IL1RAPL2: variants seen among roughly 807,000 people sequenced by gnomAD.
IL1RAPL2 encodes interleukin 1 receptor accessory protein like 2.
A neutral mutation model predicts 44.1 loss-of-function variants in IL1RAPL2; 3 were observed. The observed-to-expected ratio is 0.07, with a 90% confidence interval of 0.03 to 0.18. The LOEUF (loss-of-function observed/expected upper bound fraction) is 0.18, where lower values mean the gene tolerates loss of function less well. IL1RAPL2 is among the 10% of genes least tolerant of loss of function. IL1RAPL2 has a pLI of 1.00. For missense variants in IL1RAPL2, 391 were observed against 496.4 expected, an observed-to-expected ratio of 0.79 and a Z score of 2.02; for synonymous variants, 181 against 178.8, an observed-to-expected ratio of 1.01 and a Z score of -0.10.
At chrX:104,768,001 T>A in intron 2 of IL1RAPL2, among the ~76,000 whole-genome samples, 1 of 112,257 alleles carries the variant, frequency 8.9e-6, no homozygotes. Context: ...TTAATTGACA[T>A]AAAATTGTAT....
intron 3 of IL1RAPL2, among the ~76,000 whole-genome samples, chrX:105,197,346 C>G (rs782043813): frequency 8.9e-6 from 1 of 111,736 alleles, no homozygotes; most frequent in Non-Finnish European, 1.9e-5. Context: ...AAAAACCCAC[C>G]AATCAAAATT....
intron 1 of IL1RAPL2, among the ~76,000 whole-genome samples, chrX:104,633,009 C>A (rs1466028190): frequency 9.0e-6 from 1 of 111,197 alleles, no homozygotes; most frequent in East Asian, 2.8e-4. Context: ...TTTTGAGATA[C>A]GTCCCATCAA....
chrX:105,631,443 A>G (rs905557317), intron 6 of IL1RAPL2, among the ~76,000 whole-genome samples: 3 of 112,241 alleles, frequency 2.7e-5, no homozygotes, highest in East Asian at 5.6e-4. Flanking sequence ...TAGAAAATGG[A>G]GAGAAATGGT....
chrX:104,865,256 T>C (rs1922587630), intron 2 of IL1RAPL2, among the ~76,000 whole-genome samples: 2 of 112,192 alleles, frequency 1.8e-5, no homozygotes, highest in South Asian at 7.5e-4. Context: ...CTTTATCATA[T>C]GACATAAGAT....
At position 105,723,186 on chromosome X, in the gene IL1RAPL2, C is replaced by T. The variant is rs534172499; in HGVS notation, c.902+5690C>T. Among the ~76,000 whole-genome samples the T allele has an allele frequency of 2.1e-4, 23 of 111,862 alleles. No homozygotes were observed. In the South Asian group the frequency reaches 8.6e-3, roughly 42 times the overall value. ...TTGCACCATTCACACGTTCTACCTT[C>T]CACAAAGCACTAGGACATGAAGAAA... On this transcript the variant is annotated intron_variant, in intron 7 of 10. Transcript: ENST00000372582.
At chrX:105,718,536 AC>A (rs1433277773) in intron 7 of IL1RAPL2, among the ~76,000 whole-genome samples, 1 of 111,470 alleles carries the variant, frequency 9.0e-6, no homozygotes. Flanking sequence ...AAGGTGTTTG[AC>A]ATGTTTAGTA....
intron 2 of IL1RAPL2, among the ~76,000 whole-genome samples, chrX:104,920,995 A>G (rs1015865803): frequency 1.8e-5 from 2 of 111,206 alleles, no homozygotes; most frequent in African/African-American, 3.3e-5. Flanking sequence ...GTGAGATACC[A>G]GGACTGGCCC....
intron 3 of IL1RAPL2, among the ~76,000 whole-genome samples, chrX:105,197,094 A>C (rs1439942375): frequency 9.0e-6 from 1 of 110,897 alleles, no homozygotes; most frequent in Non-Finnish European, 1.9e-5. Flanking sequence ...AAGAAAATGG[A>C]GTGATGGGGG....
intron 5 of IL1RAPL2, among the ~76,000 whole-genome samples, chrX:105,289,281 C>T (rs2752573): frequency 0.26 from 28,561 of 109,540 alleles, 7,475 homozygotes; most frequent in African/African-American, 0.81. Context: ...TAGGGCTATG[C>T]AGGCCATTGT....
chrX:105,219,734 C>A, intron 3 of IL1RAPL2: 1 of 1,206,063 alleles, frequency 8.3e-7, no homozygotes. Context: ...GCCCCCTGCT[C>A]CCACTCATGG....
intron 6 of IL1RAPL2, among the ~76,000 whole-genome samples, chrX:105,552,200 C>T (rs2036862767): frequency 9.0e-6 from 1 of 111,358 alleles, no homozygotes; most frequent in African/African-American, 3.3e-5. Context: ...TGGCAAAAAT[C>T]AGCTTATGTG....
intron 2 of IL1RAPL2, among the ~76,000 whole-genome samples, chrX:104,817,303 A>C (rs2147621624): frequency 8.9e-6 from 1 of 112,469 alleles, no homozygotes; most frequent in East Asian, 2.8e-4. Context: ...TCAGAGGGAA[A>C]GTTAAAGTAA....
At chrX:105,265,921 A>G in intron 4 of IL1RAPL2, among the ~76,000 whole-genome samples, 1 of 111,510 alleles carries the variant, frequency 9.0e-6, no homozygotes. Flanking sequence ...GAGGAGTGGT[A>G]GATGCAGATG....
chrX:104,604,514 A>G (rs1185727702), intron 1 of IL1RAPL2, among the ~76,000 whole-genome samples: 1 of 108,941 alleles, frequency 9.2e-6, no homozygotes, highest in Non-Finnish European at 1.9e-5. Flanking sequence ...AGACTGGCAT[A>G]TTGGATAAAG....
chrX:104,865,008 C>G (rs1292523648), intron 2 of IL1RAPL2, among the ~76,000 whole-genome samples: 1 of 111,342 alleles, frequency 9.0e-6, no homozygotes, highest in Non-Finnish European at 1.9e-5. Flanking sequence ...GTGGTCATCT[C>G]CCCAGTGCCA....
At chrX:105,698,446 G>A (rs771650063) in intron 6 of IL1RAPL2, among the ~76,000 whole-genome samples, 1 of 111,971 alleles carries the variant, frequency 8.9e-6, no homozygotes, top group Non-Finnish European at 1.9e-5. Flanking sequence ...TAGGGCTTTA[G>A]TTAAGTAAAA....
chrX:105,256,334 CT>C (rs35418392), intron 4 of IL1RAPL2, among the ~76,000 whole-genome samples: 55 of 100,465 alleles, frequency 5.5e-4, no homozygotes, highest in Admixed American at 7.5e-4. Flanking sequence ...AATTTTTTTT[CT>C]TTTTTTTTTT....
chrX:105,304,398 G>T (rs2034718900), intron 5 of IL1RAPL2, among the ~76,000 whole-genome samples: 2 of 112,383 alleles, frequency 1.8e-5, no homozygotes, highest in African/African-American at 6.5e-5. Context: ...TGAGGAAATT[G>T]CATTCTCATG....
chrX:105,011,573 T>C (rs2031048448), intron 2 of IL1RAPL2, among the ~76,000 whole-genome samples: 1 of 111,858 alleles, frequency 8.9e-6, no homozygotes, highest in Non-Finnish European at 1.9e-5. Flanking sequence ...TTGAATCAAA[T>C]AATATTTGGC....
Sources: gnomAD v4.1 joint callset for allele counts (sites outside exome capture counted in the v4.1 genomes callset) on GRCh38, gnomAD v4.1.1 for gene constraint, MANE v1.5 for transcripts, NCBI Gene and HGNC (gene_info 2026-07-23, HGNC 2026-07-21) for gene names.